The following POLR3G variants were observed in gnomAD, a reference collection of about 807,000 sequenced individuals.
The protein encoded by POLR3G is RNA polymerase III subunit G.
In POLR3G, 28 loss-of-function variants were observed where a neutral mutation model predicts 30.1. The observed-to-expected ratio is 0.93, with a 90% confidence interval of 0.69 to 1.27. POLR3G has a LOEUF of 1.27. Ranked by LOEUF, POLR3G falls within the 50% of genes most tolerant of loss-of-function variation. The pLI, the probability that POLR3G is intolerant of heterozygous loss-of-function variation, is 0.00. For synonymous variants in POLR3G, 79 were observed against 82.5 expected (o/e 0.96, Z 0.23); for missense variants, 254 against 264.6 (o/e 0.96, Z 0.28).
rs550380227 is a variant in POLR3G, at chr5:90,512,945, A to T, written c.*806A>T. 6.6e-6 allele frequency: 1 copy of T among 152,126 alleles called. No homozygotes were observed. Among genetic ancestry groups the T allele is most frequent in the African/African-American group, 2.4e-5 (1 of 41,454 alleles). 9.4% of individuals were successfully genotyped at this position (152,126 alleles called of 1,614,324 possible). On this transcript the variant is annotated 3_prime_UTR_variant, in exon 8 of 8. Coordinates refer to ENST00000651687, the MANE Select transcript of POLR3G (RefSeq NM_006467.3). ...ATAAGTTCTGGTCATATAAATATGT[A>T]GAATGCATGTGTGTGAACTCTATGA...
chr5:90,503,428 G>A lies in POLR3G; in HGVS notation c.438+1440G>A, dbSNP rs75810388. On this transcript the variant is annotated intron_variant, in intron 6 of 7. Transcript: ENST00000651687. ...CAGGTTTAACTATGGCGGAATGATG[G>A]GAATGCAGTTCTAGCCAGTTTGTAT... Among the ~76,000 whole-genome samples, 46 of 152,308 alleles carry A rather than the reference G, an allele frequency of 3.0e-4. 1 individual carries two copies. In the East Asian group the frequency reaches 8.5e-3, roughly 28 times the overall value.
intron 7 of POLR3G, among the ~76,000 whole-genome samples, chr5:90,510,830 C>A (rs533686037): frequency 1.3e-5 from 2 of 148,286 alleles, no homozygotes; most frequent in African/African-American, 2.5e-5. Flanking sequence ...ACCTTTCTTG[C>A]ATTATGTAAA....
At chr5:90,482,540 C>T (rs1296970177) in intron 1 of POLR3G, among the ~76,000 whole-genome samples, 2 of 152,206 alleles carry the variant, frequency 1.3e-5, no homozygotes, top group Admixed American at 6.5e-5. Flanking sequence ...CTGCCATTGT[C>T]GGACTAAGAA....
intron 7 of POLR3G, among the ~76,000 whole-genome samples, chr5:90,511,811 ATG>A (rs557557180): frequency 2.4e-4 from 36 of 152,242 alleles, no homozygotes; most frequent in African/African-American, 8.7e-4. Context: ...GTAAGCTGTA[ATG>A]TGTTAGTAGC....
At chr5:90,474,372 G>A, upstream of POLR3G, 2 of 1,296,754 alleles carry the variant, frequency 1.5e-6, no homozygotes, top group African/African-American at 1.5e-5. Context: ...GGGCACTGCG[G>A]CTGTGTGAAG....
chr5:90,487,939 A>G, intron 2 of POLR3G, 61 bp from the exon 3 acceptor site: 3 of 1,368,036 alleles, frequency 2.2e-6, no homozygotes, highest in South Asian at 1.7e-5. Flanking sequence ...TAATACAGAT[A>G]AAAGGGATAT....
At chr5:90,496,263 C>G (rs1340633969) in intron 4 of POLR3G, among the ~76,000 whole-genome samples, 3 of 152,172 alleles carry the variant, frequency 2.0e-5, no homozygotes, top group African/African-American at 7.2e-5. Context: ...CCAACACCCC[C>G]CACCCTTAAT....
At chr5:90,488,889 TAGGAA>T (rs1210685155) in intron 3 of POLR3G, among the ~76,000 whole-genome samples, 4 of 152,202 alleles carry the variant, frequency 2.6e-5, no homozygotes, top group Admixed American at 2.0e-4. Context: ...AGTGGTTTTA[TAGGAA>T]AGGAAACCAT....
chr5:90,510,299 A>T (rs1340572361), intron 7 of POLR3G, among the ~76,000 whole-genome samples: 1 of 152,020 alleles, frequency 6.6e-6, no homozygotes, highest in Admixed American at 6.6e-5. Flanking sequence ...AATGGCGTGA[A>T]CCAGGGAGGC....
Position 90,485,541 on chromosome 5 carries a change from C to T in POLR3G, c.-27C>T, listed in dbSNP as rs755383564. The T allele has an allele frequency of 6.7e-7, 1 of 1,500,018 alleles. No homozygotes were observed. The highest frequency in any genetic ancestry group is 9.2e-7 in the Non-Finnish European group (1 of 1,090,616). 92.9% of individuals were successfully genotyped at this position (1,500,018 alleles called of 1,614,324 possible). ...CATTAATAGTGCCTTTCAGAATTTGCCCACTCATCTGGTATAACTGGTTCT... is the reference window on the plus strand; with the variant it reads ...CATTAATAGTGCCTTTCAGAATTTGTCCACTCATCTGGTATAACTGGTTCT... On this transcript the variant is annotated 5_prime_UTR_variant, in exon 2 of 8. Coordinates refer to ENST00000651687, the MANE Select transcript of POLR3G (RefSeq NM_006467.3).
chr5:90,494,633 T>A (rs1184146585), intron 3 of POLR3G, among the ~76,000 whole-genome samples: 1 of 152,168 alleles, frequency 6.6e-6, no homozygotes, highest in African/African-American at 2.4e-5. Context: ...ATTTCCGTAA[T>A]GATTGGTGAT....
intron 3 of POLR3G, among the ~76,000 whole-genome samples, chr5:90,493,436 G>A (rs1000485020): frequency 6.6e-6 from 1 of 151,636 alleles, no homozygotes; most frequent in African/African-American, 2.4e-5. Context: ...TTGTAGAGAT[G>A]GGGGTTTCAC....
intron 5 of POLR3G, among the ~76,000 whole-genome samples, chr5:90,501,315 T>C (rs1471885201): frequency 1.3e-5 from 2 of 152,060 alleles, no homozygotes; most frequent in Non-Finnish European, 2.9e-5. Flanking sequence ...TTTTGAGATA[T>C]GGCAGTTTAT....
rs143524104 is a variant in POLR3G at position 90,495,600 on chromosome 5, A to G, written c.248-77A>G. ...TTAAAAATGTTGTCTGTTGTTTTCA[A>G]TAATCTTAAAGGAATGGCTTAAGTT... On this transcript the variant is annotated intron_variant, in intron 3 of 7. Coordinates refer to ENST00000651687, the MANE Select transcript of POLR3G (RefSeq NM_006467.3). 5.4e-4 allele frequency: 834 copies of G among 1,539,686 alleles called. 7 individuals carry two copies. In the African/African-American group the frequency reaches 0.01, roughly 19 times the overall value.
At chr5:90,496,783 A>G (rs1752017315) in intron 4 of POLR3G, among the ~76,000 whole-genome samples, 1 of 152,194 alleles carries the variant, frequency 6.6e-6, no homozygotes. Context: ...ATTTTCACAG[A>G]TTATAGTACT....
intron 3 of POLR3G, among the ~76,000 whole-genome samples, chr5:90,491,129 A>G (rs2151906408): frequency 6.6e-6 from 1 of 152,360 alleles, no homozygotes; most frequent in South Asian, 2.1e-4. Flanking sequence ...AACTGATGGC[A>G]TGGAATGAAC....
intron 1 of POLR3G, among the ~76,000 whole-genome samples, chr5:90,479,182 CAACA>C (rs138177810): frequency 0.016 from 2,358 of 152,024 alleles, 70 homozygotes; most frequent in African/African-American, 0.054. Flanking sequence ...AACACAGAAC[CAACA>C]AACAGCCAGG....
Position 90,514,247 on chromosome 5 carries a change from T to C in POLR3G, c.*2108T>C, listed in dbSNP as rs543770288. 2.1e-3 allele frequency: 326 copies of C among 152,334 alleles called. 1 individual carries two copies. The highest frequency in any genetic ancestry group is 7.6e-3 in the African/African-American group (315 of 41,582). 9.4% of individuals were successfully genotyped at this position (152,334 alleles called of 1,614,324 possible). A position where few individuals can be genotyped will look rare whatever the true frequency, so the allele number is the denominator to read the frequency against. ...AATCTGGGACTGTGAAATTATTCCATAGGAAAGTGAATGTTATTTTGCAGA... is the reference window on the plus strand; with the variant it reads ...AATCTGGGACTGTGAAATTATTCCACAGGAAAGTGAATGTTATTTTGCAGA... On this transcript the variant is annotated 3_prime_UTR_variant, in exon 8 of 8. Transcript: ENST00000651687.
chr5:90,507,498 C>T (rs1752540310), intron 7 of POLR3G, among the ~76,000 whole-genome samples: 1 of 152,176 alleles, frequency 6.6e-6, no homozygotes. Context: ...AGTGGCTAGC[C>T]AGCTGCTAAC....
Sources: allele counts gnomAD v4.1 joint callset (sites outside exome capture counted in the v4.1 genomes callset), GRCh38; gene constraint gnomAD v4.1.1; transcripts MANE v1.5; gene names NCBI Gene and HGNC (gene_info 2026-07-23, HGNC 2026-07-21).